MPRIP: variants seen among roughly 807,000 people sequenced by gnomAD.
The protein encoded by MPRIP is myosin phosphatase Rho interacting protein.
In MPRIP, 59 loss-of-function variants were observed where a neutral mutation model predicts 234.9. The ratio of observed to expected loss-of-function variants is 0.25; its 90% confidence interval spans 0.20 to 0.31. The LOEUF (loss-of-function observed/expected upper bound fraction) is 0.31. MPRIP is among the 10% of genes least tolerant of loss of function. The pLI is 1.00. For missense variants in MPRIP, 2,436 were observed against 3,071.0 expected, an observed-to-expected ratio of 0.79 and a Z score of 4.89; for synonymous variants, 1,144 against 1,263.9, an observed-to-expected ratio of 0.91 and a Z score of 2.01.
chr17:17,059,646 TC>T (rs768871862), intron 1 of MPRIP, among the ~76,000 whole-genome samples: 10 of 152,238 alleles, frequency 6.6e-5, no homozygotes, highest in Non-Finnish European at 1.2e-4. Context: ...GGTGCTGAGT[TC>T]CTTTCCCTTT....
chr17:17,161,427 AG>A, intron 15 of MPRIP, 71 bp downstream of exon 15: 1 of 1,144,150 alleles, frequency 8.7e-7, no homozygotes, highest in South Asian at 1.7e-5. Context: ...ATGCTCAGGC[AG>A]GCTAGGAGTG....
chr17:17,074,889 A>G (rs1374752783), intron 1 of MPRIP, among the ~76,000 whole-genome samples: 1 of 152,200 alleles, frequency 6.6e-6, no homozygotes, highest in East Asian at 1.9e-4. Context: ...TCATCTGTCC[A>G]TGGATATTTG....
At chr17:17,095,610 C>T (rs186285362) in intron 3 of MPRIP, among the ~76,000 whole-genome samples, 34 of 152,128 alleles carry the variant, frequency 2.2e-4, no homozygotes, top group African/African-American at 7.7e-4. Context: ...GTTAGTCCTT[C>T]ACCCCTACTT....
chr17:17,136,067 C>G, intron 5 of MPRIP, 152 bp from the exon 6 acceptor site: 1 of 746,182 alleles, frequency 1.3e-6, no homozygotes, highest in Non-Finnish European at 2.3e-6. Context: ...CTACTGTGGT[C>G]TCACTGTTTT....
In MPRIP at chr17:17,042,941, G is replaced by A; in HGVS notation, c.93G>A (p.Ser31=). 6.2e-7 allele frequency: 1 copy of A among 1,611,014 alleles called. No individual in the cohort carries two copies. The highest frequency in any genetic ancestry group is 8.5e-7 in the Non-Finnish European group (1 of 1,178,896). ...KCQNCFKPRE[S]HLLNDEDLTQ... ...AGAACTGCTTCAAGCCCCGCGAGTC[G>A]CATCTGCTCAACGACGAGGACCTGA... Residue 31 remains serine (S), a synonymous_variant, in exon 1 of 24, where the codon TCG becomes TCA. Coordinates refer to ENST00000651222, the MANE Select transcript of MPRIP (RefSeq NM_001364716.4).
chr17:17,162,493 G>T (rs894608081), intron 15 of MPRIP, among the ~76,000 whole-genome samples: 2 of 152,006 alleles, frequency 1.3e-5, no homozygotes, highest in African/African-American at 4.8e-5. Flanking sequence ...CTTTCTTTCT[G>T]CCCCACATGC....
chr17:17,142,830 G>A, intron 8 of MPRIP, 65 bp downstream of exon 8: 1 of 1,564,492 alleles, frequency 6.4e-7, no homozygotes, highest in South Asian at 1.2e-5. Context: ...TGCACCCCAT[G>A]CGCCAAGTCC....
intron 1 of MPRIP, among the ~76,000 whole-genome samples, chr17:17,071,887 A>T (rs1357052366): frequency 6.6e-6 from 1 of 152,150 alleles, no homozygotes; most frequent in African/African-American, 2.4e-5. Context: ...CCCCATGTCA[A>T]CAACAGATAC....
rs779471268 is a variant in MPRIP at position 17,189,365 on chromosome 17, A to C, written c.*4471A>C. On this transcript the variant is annotated 3_prime_UTR_variant, in exon 24 of 24. Transcript: ENST00000651222. ...CGCCACGCCTGGCTAATTTTTTTGTATTTTTAGTAGAGACGGGGTTTCACC... is the reference window on the plus strand; with the variant it reads ...CGCCACGCCTGGCTAATTTTTTTGTCTTTTTAGTAGAGACGGGGTTTCACC... 2.0e-5 allele frequency: 3 copies of C among 151,452 alleles called. No individual in the cohort carries two copies. Among genetic ancestry groups the C allele is most frequent in the Non-Finnish European group, 4.4e-5 (3 of 67,904 alleles). 9.4% of individuals were successfully genotyped at this position (151,452 alleles called of 1,614,324 possible).
At chr17:17,177,872 G>T (rs1033870000) in intron 22 of MPRIP, among the ~76,000 whole-genome samples, 4 of 151,846 alleles carry the variant, frequency 2.6e-5, no homozygotes, top group Admixed American at 6.6e-5. Flanking sequence ...AAAATAGATG[G>T]CAGGAAGGAT....
intron 1 of MPRIP, among the ~76,000 whole-genome samples, chr17:17,053,254 G>A (rs951799640): frequency 1.3e-5 from 2 of 152,100 alleles, no homozygotes; most frequent in African/African-American, 4.8e-5. Flanking sequence ...TTCCATTCTA[G>A]CTCCATTTTC....
chr17:17,091,013 C>A (rs1487605000), intron 3 of MPRIP, among the ~76,000 whole-genome samples: 1 of 150,930 alleles, frequency 6.6e-6, no homozygotes, highest in Non-Finnish European at 1.5e-5. Context: ...TGGAGCGTGC[C>A]GGCCACAGGG....
At position 17,167,947 on chromosome 17, in the gene MPRIP, ATCT is replaced by A. The variant is rs552038108; in HGVS notation, c.6324+35_6324+37del. 5.8e-4 allele frequency: 737 copies of A among 1,278,258 alleles called. 11 individuals carry two copies. The South Asian group carries it at 8.8e-3, about 15-fold the overall frequency. 79.2% of individuals were successfully genotyped at this position (1,278,258 alleles called of 1,614,324 possible). ...ACGCCCCATTCAATTTGCAGAGCAG[ATCT>A]TCCTTGATAATGGGGTGGGTGTGGG... is the stretch of plus-strand genomic sequence containing the variant. On this transcript the variant is annotated intron_variant, in intron 16 of 23. Transcript: ENST00000651222. The surrounding 1 kb of genome is among the most constrained non-coding windows in gnomAD (Gnocchi z 5.9).
intron 1 of MPRIP, among the ~76,000 whole-genome samples, chr17:17,065,585 A>T (rs1050879740): frequency 6.6e-6 from 1 of 152,092 alleles, no homozygotes; most frequent in Non-Finnish European, 1.5e-5. Flanking sequence ...GTGGATATAT[A>T]ATAAGTCTTG....
At chr17:17,079,344 G>A (rs2089409415) in intron 3 of MPRIP, among the ~76,000 whole-genome samples, 3 of 152,216 alleles carry the variant, frequency 2.0e-5, no homozygotes, top group Admixed American at 6.5e-5. Context: ...CTATGGGAAC[G>A]TCTGTGCTCC....
chr17:17,130,553 C>G (rs544099347), intron 4 of MPRIP, among the ~76,000 whole-genome samples: 2 of 152,120 alleles, frequency 1.3e-5, no homozygotes, highest in South Asian at 4.2e-4. Flanking sequence ...CCCGTGTGAT[C>G]TCTAGCAGGA....
rs776306160 is a variant in MPRIP, at chr17:17,078,093, C to T, written c.267+17C>T. 1.2e-6 allele frequency: 2 copies of T among 1,613,588 alleles called. No homozygotes were observed. The highest frequency in any genetic ancestry group is 2.2e-5 in the South Asian group (2 of 91,074). The stretch of plus-strand genomic sequence containing the variant: ...GATGAGATGGTAAGTGTTATCCTTG[C>T]CCACTCCCTGTCCCCAGCCTTCACC... On this transcript the variant is annotated intron_variant, in intron 3 of 23. Coordinates refer to ENST00000651222, the MANE Select transcript of MPRIP (RefSeq NM_001364716.4). The surrounding 1 kb of genome is among the most constrained non-coding windows in gnomAD (Gnocchi z 4.3).
intron 4 of MPRIP, among the ~76,000 whole-genome samples, chr17:17,128,106 TAG>T (rs545390940): frequency 1.6e-3 from 250 of 152,330 alleles, no homozygotes; most frequent in African/African-American, 5.1e-3. Context: ...ACCCAGGGCC[TAG>T]AGACAGGAGC....
intron 2 of MPRIP, chr17:17,077,610 TC>T (rs1466602072): frequency 6.1e-6 from 1 of 164,678 alleles, no homozygotes; most frequent in Non-Finnish European, 1.3e-5. Flanking sequence ...GCCTTGGCAT[TC>T]CTGGATTATT....
Sources: gnomAD v4.1 joint callset for allele counts (sites outside exome capture counted in the v4.1 genomes callset) on GRCh38, gnomAD v4.1.1 for gene constraint, Gnocchi (gnomAD v3.1) non-coding constraint, MANE v1.5 for transcripts, NCBI Gene and HGNC (gene_info 2026-07-23, HGNC 2026-07-21) for gene names.